Variants in CLEC16A observed in about 807,000 individuals in gnomAD.
CLEC16A encodes protein CLEC16A.
Under a neutral mutation model 109.5 loss-of-function variants are expected in CLEC16A, and 51 were observed. The ratio of observed to expected loss-of-function variants is 0.47; its 90% CI spans 0.37 to 0.59. The LOEUF (loss-of-function observed/expected upper bound fraction) is 0.59, where lower values mean the gene tolerates loss of function less well. Ranked by LOEUF, CLEC16A falls within the 20% of genes least tolerant of loss-of-function variation. The probability of loss-of-function intolerance (pLI) is 0.00; values close to 1 mark genes in which losing one functional copy is unlikely to be tolerated. For missense variants in CLEC16A, 1,339 were observed against 1,394.0 expected (o/e 0.96, Z 0.63); for synonymous variants, 673 against 564.2 (o/e 1.19, Z -2.73).
rs2051481443 is a variant in CLEC16A at position 11,110,065 on chromosome 16, C to T, written c.2117-10550C>T. 2.6e-5 allele frequency among the ~76,000 whole-genome samples: 4 copies of T among 152,208 alleles called. No individual in the cohort carries two copies. In the South Asian group the frequency reaches 8.3e-4, roughly 31 times the overall value. Reference sequence around the variant, plus strand: ...GCAAAAGTCAGTCAGCCCCATTTATCGCTCAGTAATGGGCTACAGCCTGTC... The same window carrying T: ...GCAAAAGTCAGTCAGCCCCATTTATTGCTCAGTAATGGGCTACAGCCTGTC... On this transcript the variant is annotated intron_variant, in intron 19 of 23. Transcript: ENST00000409790.
At chr16:11,127,405 CTT>C (rs968484696) in intron 22 of CLEC16A, among the ~76,000 whole-genome samples, 2 of 152,258 alleles carry the variant, frequency 1.3e-5, no homozygotes, top group Middle Eastern at 3.4e-3. Context: ...CTTAGGGTGT[CTT>C]TGTGTAATTG....
chr16:11,142,660 C>T (rs1463944228), intron 22 of CLEC16A, among the ~76,000 whole-genome samples: 1 of 152,226 alleles, frequency 6.6e-6, no homozygotes, highest in Non-Finnish European at 1.5e-5. Flanking sequence ...TAGAATCTTT[C>T]TGGAAGGTTC....
At chr16:11,177,023 C>CA (rs965317289) in intron 23 of CLEC16A, among the ~76,000 whole-genome samples, 62 of 151,764 alleles carry the variant, frequency 4.1e-4, no homozygotes, top group African/African-American at 1.2e-3. Context: ...TCACGTTGAA[C>CA]AAAAAAAAAT....
intron 20 of CLEC16A, 64 bp downstream of exon 20, chr16:11,120,830 AC>A (rs1401961199): frequency 2.3e-5 from 29 of 1,247,844 alleles, no homozygotes; most frequent in Non-Finnish European, 3.1e-5. Context: ...ACACACACAC[AC>A]ACACACACCA....
At chr16:10,977,096 T>A (rs955516084) in intron 7 of CLEC16A, 129 bp from the exon 8 acceptor site, 14 of 829,028 alleles carry the variant, frequency 1.7e-5, no homozygotes, top group Non-Finnish European at 2.6e-5. Flanking sequence ...GGGGCCAGGA[T>A]AAGTGTCTCT....
intron 12 of CLEC16A, among the ~76,000 whole-genome samples, chr16:11,022,576 T>C (rs1392319931): frequency 2.0e-5 from 3 of 151,970 alleles, no homozygotes; most frequent in Admixed American, 6.6e-5. Context: ...CCCCATATAT[T>C]ATGGGCTCTG....
At position 11,031,506 on chromosome 16, in the gene CLEC16A, C is replaced by G. The variant is rs1252808506; in HGVS notation, c.1537+6585C>G. On this transcript the variant is annotated intron_variant, in intron 13 of 23. Transcript: ENST00000409790. The stretch of plus-strand genomic sequence containing the variant: ...TACCTCTTTTTCTTGGGAATTTCTT[C>G]TTGGAAGAGTAGAACTGTATATTCA... Among the ~76,000 whole-genome samples the G allele has an allele frequency of 2.0e-5, 3 of 152,232 alleles. No homozygotes were observed. The East Asian group carries it at 5.8e-4, about 29-fold the overall frequency.
rs560318399 is a variant in CLEC16A, at chr16:11,058,845, G to A, written c.1996-2057G>A. On this transcript the variant is annotated intron_variant, in intron 18 of 23. Transcript: ENST00000409790. ...CTTCAAAACCCCAAGAGGAACAGGC[G>A]TTTGGGCACAGAAATGAGCGTCTCC... Among the ~76,000 whole-genome samples, 10 of 152,308 alleles carry A rather than the reference G, an allele frequency of 6.6e-5. No individual in the cohort carries two copies. In the East Asian group the frequency reaches 9.6e-4, roughly 15 times the overall value.
At chr16:11,084,011 G>T (rs1368795101) in intron 19 of CLEC16A, among the ~76,000 whole-genome samples, 2 of 152,170 alleles carry the variant, frequency 1.3e-5, no homozygotes, top group East Asian at 3.9e-4. Context: ...CACCAGCAGA[G>T]TCCAAGCCCA....
chr16:10,945,446 C>T (rs548270874), intron 1 of CLEC16A, among the ~76,000 whole-genome samples: 1 of 152,026 alleles, frequency 6.6e-6, no homozygotes, highest in Non-Finnish European at 1.5e-5. Flanking sequence ...AAAATAGAGA[C>T]CTCTGAGGAG....
In CLEC16A at chr16:11,157,051, G is replaced by A. The variant is rs184070006; in HGVS notation, c.2642-9337G>A. 91 of 1,301,734 alleles carry A rather than the reference G, an allele frequency of 7.0e-5. No individual in the cohort carries two copies. The African/African-American group carries it at 1.3e-3, about 19-fold the overall frequency. 80.6% of individuals were successfully genotyped at this position (1,301,734 alleles called of 1,614,324 possible). A position where few individuals can be genotyped will look rare whatever the true frequency, so the allele number is the denominator to read the frequency against. On this transcript the variant is annotated intron_variant, in intron 22 of 23. Coordinates refer to ENST00000409790, the MANE Select transcript of CLEC16A (RefSeq NM_015226.3). The stretch of plus-strand genomic sequence containing the variant: ...GGACACAGAGAGAAAGCAAGATACT[G>A]AAAGACCATTTTTTCTTTTCTGCAG...
intron 2 of CLEC16A, among the ~76,000 whole-genome samples, chr16:10,958,861 G>A (rs2042117122): frequency 6.6e-6 from 1 of 152,098 alleles, no homozygotes; most frequent in Non-Finnish European, 1.5e-5. Context: ...CCATGATCTT[G>A]CCACTGCACT....
chr16:11,099,258 G>T (rs1045592255), intron 19 of CLEC16A, among the ~76,000 whole-genome samples: 2 of 152,162 alleles, frequency 1.3e-5, no homozygotes, highest in African/African-American at 4.8e-5. Flanking sequence ...TGTTTCCCAC[G>T]GTCCCACACA....
intron 19 of CLEC16A, among the ~76,000 whole-genome samples, chr16:11,091,279 G>A (rs2050289537): frequency 6.6e-6 from 1 of 152,242 alleles, no homozygotes; most frequent in Admixed American, 6.5e-5. Flanking sequence ...TAAAAGGGAA[G>A]TTGTGTGTGG....
chr16:11,152,219 AG>A (rs980804949), intron 22 of CLEC16A, among the ~76,000 whole-genome samples: 1 of 152,220 alleles, frequency 6.6e-6, no homozygotes, highest in African/African-American at 2.4e-5. Context: ...TGGAAGCCTT[AG>A]GCCGGTCATC....
At chr16:11,065,013 T>C (rs892146844) in intron 19 of CLEC16A, among the ~76,000 whole-genome samples, 1 of 152,170 alleles carries the variant, frequency 6.6e-6, no homozygotes, top group African/African-American at 2.4e-5. Flanking sequence ...TCCTGAGACA[T>C]TCAGGTCATT....
At chr16:11,175,452 G>T (rs1567422494) in intron 23 of CLEC16A, among the ~76,000 whole-genome samples, 1 of 152,196 alleles carries the variant, frequency 6.6e-6, no homozygotes, top group Non-Finnish European at 1.5e-5. Flanking sequence ...TGAAGCCAAG[G>T]CTTCACCAGT....
chr16:11,176,519 T>C (rs2068753341), intron 23 of CLEC16A, among the ~76,000 whole-genome samples: 1 of 152,158 alleles, frequency 6.6e-6, no homozygotes, highest in Non-Finnish European at 1.5e-5. Context: ...GAAGGATTGC[T>C]TGAGCCCAGG....
chr16:11,104,424 G>A (rs1188645519), intron 19 of CLEC16A, among the ~76,000 whole-genome samples: 4 of 152,114 alleles, frequency 2.6e-5, no homozygotes, highest in Non-Finnish European at 5.9e-5. Flanking sequence ...ACCACACCCA[G>A]CATATCCCAG....
Sources: gnomAD v4.1 joint callset for allele counts (sites outside exome capture counted in the v4.1 genomes callset) on GRCh38, gnomAD v4.1.1 for gene constraint, MANE v1.5 for transcripts, NCBI Gene and HGNC (gene_info 2026-07-23, HGNC 2026-07-21) for gene names.